CCDC30: variants seen among roughly 807,000 people sequenced by gnomAD.
The protein encoded by CCDC30 is coiled-coil domain containing 30.
In CCDC30, 70 loss-of-function variants were observed where a neutral mutation model predicts 100.2. That is an observed-to-expected ratio of 0.70 (90% CI 0.58 to 0.85). CCDC30 has a LOEUF of 0.85. Ranked by LOEUF, CCDC30 falls within the 40% of genes least tolerant of loss-of-function variation. CCDC30 has a pLI of 0.00. For missense variants in CCDC30, 652 were observed against 771.2 expected (o/e 0.85, Z 1.83); for synonymous variants, 233 against 269.5 (o/e 0.86, Z 1.33).
At chr1:42,545,188 A>C (rs1351072203) in intron 6 of CCDC30, among the ~76,000 whole-genome samples, 1 of 144,152 alleles carries the variant, frequency 6.9e-6, no homozygotes, top group African/African-American at 2.6e-5. Flanking sequence ...AAAAAAAAAA[A>C]GGGAATTTAC....
intron 6 of CCDC30, among the ~76,000 whole-genome samples, chr1:42,543,770 G>A (rs534809981): frequency 6.6e-6 from 1 of 152,264 alleles, no homozygotes; most frequent in Admixed American, 6.5e-5. Flanking sequence ...CCCTAGAAAG[G>A]TTATAGTCCA....
rs1426210051 is a variant in CCDC30, at chr1:42,610,956, A to G, written c.1165-22A>G. On this transcript the variant is annotated intron_variant, in intron 10 of 16. Transcript: ENST00000668663. ...ATACCTTTGTCAGGTCAGAGTTCTC[A>G]TTATTTTTCAATGTTTTTCAGCATG... 3.8e-6 allele frequency: 5 copies of G among 1,299,818 alleles called. No individual in the cohort carries two copies. The African/African-American group carries it at 4.5e-5, about 12-fold the overall frequency. 80.5% of individuals were successfully genotyped at this position (1,299,818 alleles called of 1,614,324 possible). A position where few individuals can be genotyped will look rare whatever the true frequency, so the allele number is the denominator to read the frequency against.
At position 42,596,653 on chromosome 1, in the gene CCDC30, A is replaced by G. The variant is rs1339632802; in HGVS notation, c.1164+7170A>G. Among the ~76,000 whole-genome samples, 1 of 152,016 alleles carries G rather than the reference A, an allele frequency of 6.6e-6. No individual in the cohort carries two copies. Among genetic ancestry groups the G allele is most frequent in the Non-Finnish European group, 1.5e-5 (1 of 68,000 alleles). On this transcript the variant is annotated intron_variant, in intron 10 of 16. Transcript: ENST00000668663. The surrounding 1 kb of genome is among the most constrained non-coding windows in gnomAD (Gnocchi z 4.3). ...CCAACACTTCACCACCACATCACTA[A>G]CGGCCCATTTAACAGCAGTTTCCTC...
intron 9 of CCDC30, among the ~76,000 whole-genome samples, chr1:42,583,135 C>T (rs556114261): frequency 1.1e-3 from 174 of 152,288 alleles, no homozygotes; most frequent in South Asian, 2.9e-3. Flanking sequence ...AACATCATCT[C>T]ATCCCTTCTT....
intron 10 of CCDC30, among the ~76,000 whole-genome samples, chr1:42,610,186 T>A (rs1246911055): frequency 6.6e-6 from 1 of 152,214 alleles, no homozygotes; most frequent in Admixed American, 6.5e-5. Flanking sequence ...CCAAAGTACT[T>A]CATTACCAGC....
intron 1 of CCDC30, among the ~76,000 whole-genome samples, chr1:42,466,790 G>A (rs1236299279): frequency 6.6e-6 from 1 of 152,146 alleles, no homozygotes; most frequent in African/African-American, 2.4e-5. Context: ...GACCTCAGGT[G>A]ATCCATCTGC....
intron 7 of CCDC30, among the ~76,000 whole-genome samples, chr1:42,575,255 A>T (rs1645808884): frequency 2.0e-5 from 3 of 152,090 alleles, no homozygotes; most frequent in African/African-American, 7.2e-5. Context: ...CTACGTTCTG[A>T]TACTTTTTAG....
intron 12 of CCDC30, among the ~76,000 whole-genome samples, chr1:42,639,966 C>CAAAAA (rs71065187): frequency 8.3e-6 from 1 of 121,000 alleles, no homozygotes. Flanking sequence ...AACTTCGTCT[C>CAAAAA]AAAAAAAAAA....
intron 6 of CCDC30, among the ~76,000 whole-genome samples, chr1:42,565,254 T>C (rs113067015): frequency 0.03 from 4,562 of 152,204 alleles, 233 homozygotes; most frequent in African/African-American, 0.1. Context: ...AAAGACAACC[T>C]ACAGAATGGG....
At chr1:42,583,023 T>A (rs901623108) in intron 9 of CCDC30, among the ~76,000 whole-genome samples, 1 of 152,226 alleles carries the variant, frequency 6.6e-6, no homozygotes, top group African/African-American at 2.4e-5. Flanking sequence ...TATTGGCTAT[T>A]GTTTCTGCTG....
At chr1:42,656,595 T>TACTCC (rs929599457), downstream of CCDC30, among the ~76,000 whole-genome samples, 2 of 152,144 alleles carry the variant, frequency 1.3e-5, no homozygotes, top group Admixed American at 1.3e-4. Flanking sequence ...CACTCCACTG[T>TACTCC]ACTCCAGCCT....
At chr1:42,553,559 G>A (rs1645300676) in intron 6 of CCDC30, among the ~76,000 whole-genome samples, 1 of 151,874 alleles carries the variant, frequency 6.6e-6, no homozygotes, top group South Asian at 2.1e-4. Context: ...AGGAGGCTGA[G>A]GCAGGAGGAT....
At chr1:42,649,298 T>C (rs1648140596) in intron 15 of CCDC30, among the ~76,000 whole-genome samples, 1 of 152,178 alleles carries the variant, frequency 6.6e-6, no homozygotes, top group Non-Finnish European at 1.5e-5. Flanking sequence ...TGGCTCAACA[T>C]ATGCAAATCA....
intron 15 of CCDC30, among the ~76,000 whole-genome samples, chr1:42,648,627 G>A (rs1311704565): frequency 1.3e-5 from 2 of 152,088 alleles, no homozygotes; most frequent in African/African-American, 2.4e-5. Context: ...CCGAGATCAC[G>A]CCACTGCTCT....
At chr1:42,630,588 G>A (rs550738070) in intron 11 of CCDC30, among the ~76,000 whole-genome samples, 96 of 151,768 alleles carry the variant, frequency 6.3e-4, no homozygotes, top group African/African-American at 2.2e-3. Flanking sequence ...TGCCATGTTG[G>A]CCAGGCTGTT....
intron 8 of CCDC30, among the ~76,000 whole-genome samples, chr1:42,579,236 C>A (rs1645909346): frequency 6.6e-6 from 1 of 151,950 alleles, no homozygotes; most frequent in Non-Finnish European, 1.5e-5. Flanking sequence ...GTGATCCACC[C>A]ACCTCAGCCT....
At chr1:42,633,864 G>C (rs191648474) in intron 11 of CCDC30, among the ~76,000 whole-genome samples, 164 of 152,282 alleles carry the variant, frequency 1.1e-3, no homozygotes, top group Admixed American at 3.9e-3. Context: ...TTGACTCACA[G>C]TTCAGCATGG....
chr1:42,543,871 G>C (rs781478794), intron 6 of CCDC30, among the ~76,000 whole-genome samples: 15 of 152,064 alleles, frequency 9.9e-5, no homozygotes, highest in Non-Finnish European at 1.8e-4. Context: ...GAAACCAAAG[G>C]GATCTCTTAA....
chr1:42,603,930 G>C (rs908614567), intron 10 of CCDC30, among the ~76,000 whole-genome samples: 2 of 152,218 alleles, frequency 1.3e-5, no homozygotes, highest in Admixed American at 6.5e-5. Context: ...TTAATAAGTG[G>C]TTTGAAGGGA....
Sources: gnomAD v4.1 joint callset for allele counts (sites outside exome capture counted in the v4.1 genomes callset) on GRCh38, gnomAD v4.1.1 for gene constraint, Gnocchi (gnomAD v3.1) non-coding constraint, MANE v1.5 for transcripts, NCBI Gene and HGNC (gene_info 2026-07-23, HGNC 2026-07-21) for gene names.